STXBP4: variants seen among roughly 807,000 people sequenced by gnomAD.
STXBP4 encodes syntaxin-binding protein 4.
A neutral mutation model predicts 76.1 loss-of-function variants in STXBP4; 55 were observed. That is an observed-to-expected ratio of 0.72 (90% confidence interval 0.58 to 0.91). The LOEUF is 0.91. STXBP4 is among the 40% of genes least tolerant of loss of function. STXBP4 has a pLI of 0.00. For synonymous variants in STXBP4, 201 were observed against 220.2 expected (o/e 0.91, Z 0.77); for missense variants, 618 against 636.9 (o/e 0.97, Z 0.32).
chr17:55,145,435 G>A (rs1490647495), intron 17 of STXBP4, among the ~76,000 whole-genome samples: 1 of 152,104 alleles, frequency 6.6e-6, no homozygotes, highest in African/African-American at 2.4e-5. Flanking sequence ...CCTGAAATTG[G>A]CATCTGTCAC....
chr17:55,182,804 A>T, the STXBP4 span, among the ~76,000 whole-genome samples: 6 of 152,098 alleles, frequency 3.9e-5, no homozygotes, highest in Admixed American at 3.9e-4. Flanking sequence ...GGAAAACAAC[A>T]ACAACAACAA....
chr17:55,196,833 C>T, the STXBP4 span, among the ~76,000 whole-genome samples: 1 of 152,190 alleles, frequency 6.6e-6, no homozygotes, highest in Non-Finnish European at 1.5e-5. Flanking sequence ...GAGGTCTAAA[C>T]CCACAGGTAT....
intron 3 of STXBP4, among the ~76,000 whole-genome samples, chr17:54,986,603 T>C (rs1447577989): frequency 6.6e-6 from 1 of 152,132 alleles, no homozygotes; most frequent in Non-Finnish European, 1.5e-5. Flanking sequence ...GCACTCCAGC[T>C]TGGGCAACAT....
chr17:55,065,367 A>G (rs540135247), intron 12 of STXBP4, among the ~76,000 whole-genome samples: 1 of 152,288 alleles, frequency 6.6e-6, no homozygotes, highest in East Asian at 1.9e-4. Context: ...CCAAAACAAA[A>G]TTTGATGAAA....
At chr17:55,083,664 A>G (rs923984917) in intron 16 of STXBP4, among the ~76,000 whole-genome samples, 2 of 152,168 alleles carry the variant, frequency 1.3e-5, no homozygotes, top group African/African-American at 4.8e-5. Context: ...ACTGGGCTGG[A>G]CATCTAAGAT....
chr17:55,029,128 A>G (rs1213044530), intron 8 of STXBP4, among the ~76,000 whole-genome samples: 1 of 152,162 alleles, frequency 6.6e-6, no homozygotes, highest in African/African-American at 2.4e-5. Context: ...AAATTCATAC[A>G]ACGGATTACT....
intron 10 of STXBP4, among the ~76,000 whole-genome samples, chr17:55,040,158 T>C (rs1382054685): frequency 6.6e-6 from 1 of 151,958 alleles, no homozygotes; most frequent in African/African-American, 2.4e-5. Flanking sequence ...GAAGATAAAA[T>C]TTCAAGGAAA....
intron 13 of STXBP4, among the ~76,000 whole-genome samples, 181 bp from the exon 14 acceptor site, chr17:55,077,897 T>C (rs1052649275): frequency 1.3e-5 from 2 of 152,152 alleles, no homozygotes; most frequent in African/African-American, 4.8e-5. Context: ...GCAGTATCTC[T>C]GTGCAAATTA....
chr17:55,204,867 G>A, the STXBP4 span, among the ~76,000 whole-genome samples: 13 of 146,042 alleles, frequency 8.9e-5, no homozygotes, highest in South Asian at 2.6e-3. Context: ...CCTTCAAAAA[G>A]GTATCAATCT....
chr17:55,147,689 C>T (rs2080172711), intron 17 of STXBP4, among the ~76,000 whole-genome samples: 1 of 152,090 alleles, frequency 6.6e-6, no homozygotes, highest in South Asian at 2.1e-4. Context: ...ATTACAAATG[C>T]GTATCAGTAG....
At chr17:55,200,348 A>C in the STXBP4 span, among the ~76,000 whole-genome samples, 5 of 152,236 alleles carry the variant, frequency 3.3e-5, no homozygotes, top group Non-Finnish European at 7.3e-5. Context: ...ACAGCTAATG[A>C]AACTATCTTA....
intron 8 of STXBP4, among the ~76,000 whole-genome samples, chr17:55,015,813 C>A (rs977338917): frequency 1.3e-5 from 2 of 152,176 alleles, no homozygotes; most frequent in African/African-American, 4.8e-5. Flanking sequence ...ATAAATCACA[C>A]TTTTTACATA....
At chr17:55,129,258 C>T (rs1300072871) in intron 16 of STXBP4, among the ~76,000 whole-genome samples, 1 of 152,064 alleles carries the variant, frequency 6.6e-6, no homozygotes, top group Admixed American at 6.6e-5. Context: ...GCTCTCTCTT[C>T]TTACCTCTGG....
chr17:55,044,011 A>G (rs114429192), intron 11 of STXBP4: 2,331 of 178,138 alleles, frequency 0.013, 43 homozygotes, highest in African/African-American at 0.04. Context: ...ACCATGCTCA[A>G]CTAATTTTTT....
chr17:55,127,879 G>A (rs1184238625), intron 16 of STXBP4, among the ~76,000 whole-genome samples: 1 of 152,072 alleles, frequency 6.6e-6, no homozygotes, highest in Non-Finnish European at 1.5e-5. Flanking sequence ...AATGCTACAT[G>A]ATTAGGGATC....
At chr17:55,137,806 A>C (rs1376852065) in intron 16 of STXBP4, among the ~76,000 whole-genome samples, 3 of 152,152 alleles carry the variant, frequency 2.0e-5, no homozygotes, top group African/African-American at 7.2e-5. Flanking sequence ...AGGTATTTAC[A>C]AGTTTCTCCT....
chr17:55,036,787 T>G (rs2078611760), intron 10 of STXBP4, among the ~76,000 whole-genome samples: 1 of 152,120 alleles, frequency 6.6e-6, no homozygotes, highest in South Asian at 2.1e-4. Context: ...AAAATTGCAC[T>G]TTTATTTCAT....
At chr17:55,095,935 T>C (rs1567759662) in intron 16 of STXBP4, among the ~76,000 whole-genome samples, 2 of 152,168 alleles carry the variant, frequency 1.3e-5, no homozygotes. Context: ...ATTGAACTGG[T>C]AATTATTTTT....
the STXBP4 span, among the ~76,000 whole-genome samples, chr17:55,186,063 A>G: frequency 3.3e-5 from 5 of 152,090 alleles, no homozygotes; most frequent in Non-Finnish European, 7.4e-5. Flanking sequence ...TACTACGCCA[A>G]CCCCTTCCAT....
Sources: allele counts gnomAD v4.1 joint callset (sites outside exome capture counted in the v4.1 genomes callset), GRCh38; gene constraint gnomAD v4.1.1; transcripts MANE v1.5; gene names NCBI Gene and HGNC (gene_info 2026-07-23, HGNC 2026-07-21).